The following POC1A variants were observed in gnomAD, a reference collection of about 807,000 sequenced individuals.
POC1A encodes the protein POC1 centriolar protein homolog A.
In POC1A, 34 loss-of-function variants were observed where a neutral mutation model predicts 47.8. The observed-to-expected ratio is 0.71, with a 90% CI of 0.54 to 0.95. The LOEUF (loss-of-function observed/expected upper bound fraction) is 0.95, where lower values mean the gene tolerates loss of function less well. Ranked by LOEUF, POC1A falls within the 40% of genes least tolerant of loss-of-function variation. The probability of loss-of-function intolerance (pLI) is 0.00; values close to 1 mark genes in which losing one functional copy is unlikely to be tolerated. For missense variants in POC1A, 466 were observed against 528.3 expected (o/e 0.88, Z 1.16); for synonymous variants, 177 against 207.6 (o/e 0.85, Z 1.27).
At chr3:52,130,405 T>A (rs1427079306) in intron 7 of POC1A, among the ~76,000 whole-genome samples, 1 of 152,220 alleles carries the variant, frequency 6.6e-6, no homozygotes, top group Non-Finnish European at 1.5e-5. Context: ...TACCAGGGTC[T>A]GCTGTGAACT....
chr3:52,129,402 T>G (rs1258319813), intron 7 of POC1A, among the ~76,000 whole-genome samples: 1 of 152,248 alleles, frequency 6.6e-6, no homozygotes, highest in Non-Finnish European at 1.5e-5. Flanking sequence ...TGATGGCTTA[T>G]TCCTTTTATT....
intron 7 of POC1A, among the ~76,000 whole-genome samples, chr3:52,131,988 A>G (rs1704230952): frequency 1.3e-5 from 2 of 152,194 alleles, no homozygotes; most frequent in Admixed American, 1.3e-4. Context: ...GACCATGTCC[A>G]CAACAGAAAC....
At chr3:52,076,500 G>A (rs1702120451) in intron 10 of POC1A, among the ~76,000 whole-genome samples, 1 of 152,180 alleles carries the variant, frequency 6.6e-6, no homozygotes, top group African/African-American at 2.4e-5. Flanking sequence ...GCTGGCAGGG[G>A]ACAAAGGCAG....
intron 7 of POC1A, among the ~76,000 whole-genome samples, chr3:52,137,107 C>G (rs1704500693): frequency 1.3e-5 from 2 of 152,150 alleles, no homozygotes; most frequent in African/African-American, 4.8e-5. Context: ...TCTGGATGTG[C>G]TGGCCCAGGG....
At chr3:52,093,656 G>A (rs1318476873) in intron 10 of POC1A, among the ~76,000 whole-genome samples, 1 of 152,244 alleles carries the variant, frequency 6.6e-6, no homozygotes, top group Non-Finnish European at 1.5e-5. Flanking sequence ...AGGTCACTGA[G>A]CTAGGCAATG....
chr3:52,103,741 C>A (rs1199535477), intron 9 of POC1A, among the ~76,000 whole-genome samples: 1 of 151,970 alleles, frequency 6.6e-6, no homozygotes, highest in African/African-American at 2.4e-5. Context: ...AAAAAGGATG[C>A]TCTACATCAT....
At chr3:52,100,353 A>C (rs1037871610) in intron 9 of POC1A, among the ~76,000 whole-genome samples, 3 of 152,218 alleles carry the variant, frequency 2.0e-5, no homozygotes, top group African/African-American at 7.2e-5. Context: ...TCTTCCATCA[A>C]GATACAAGTA....
At chr3:52,131,107 C>T (rs1280181077) in intron 7 of POC1A, among the ~76,000 whole-genome samples, 1 of 152,198 alleles carries the variant, frequency 6.6e-6, no homozygotes, top group Non-Finnish European at 1.5e-5. Context: ...GCCACAAATA[C>T]CAGATTTAAC....
chr3:52,114,206 C>A (rs1559828658), intron 9 of POC1A, among the ~76,000 whole-genome samples: 1 of 152,222 alleles, frequency 6.6e-6, no homozygotes, highest in East Asian at 1.9e-4. Context: ...GTGGGGCTGC[C>A]TGAAAATCCT....
At position 52,147,071 on chromosome 3, in the gene POC1A, G is replaced by C. The variant is rs753301992; in HGVS notation, c.480C>G (p.Ile160Met). 1.1e-5 allele frequency: 18 copies of C among 1,613,956 alleles called. No homozygotes were observed. The highest frequency in any genetic ancestry group is 1.4e-5 in the Non-Finnish European group (17 of 1,180,002). Residue 160 changes from isoleucine (I) to methionine (M), a missense_variant, in exon 5 of 11, where the codon ATC (isoleucine) becomes ATG (methionine). Transcript: ENST00000296484. ...CAGTCTTGTCATCACTGGCAGACAC[G>C]ATGAGCCGCCCGTCGGGGGAGAACC... Reference protein sequence around the residue: ...CAKFSPDGRLIVSASDDKTVK... With the variant: ...CAKFSPDGRLMVSASDDKTVK...
chr3:52,093,650 C>G (rs888764578), intron 10 of POC1A, among the ~76,000 whole-genome samples: 3 of 152,254 alleles, frequency 2.0e-5, no homozygotes, highest in Non-Finnish European at 2.9e-5. Context: ...TGCCCAAGGT[C>G]ACTGAGCTAG....
chr3:52,140,456 G>A (rs1054122787), intron 6 of POC1A, among the ~76,000 whole-genome samples: 2 of 152,178 alleles, frequency 1.3e-5, no homozygotes, highest in Admixed American at 6.5e-5. Context: ...GGAGGGTGCA[G>A]AAGGGAGGGC....
chr3:52,149,857 G>T lies in POC1A; in HGVS notation c.234C>A (p.Ser78=), dbSNP rs145976901. ...TGCGGACAGTCTTGTCTCGGGAGCC[G>T]GAAGCAAGCAGGTGTCCCGAAGGAG... ...NFSPSGHLLA[S]GSRDKTVRIW... The change falls in exon 3 of 11, where the codon TCC becomes TCA. Residue 78 remains serine, a synonymous_variant. Transcript: ENST00000296484. 86 of 1,613,830 alleles carry T rather than the reference G, an allele frequency of 5.3e-5. No individual in the cohort carries two copies. Among genetic ancestry groups the T allele is most frequent in the Middle Eastern group, 1.6e-4 (1 of 6,082 alleles).
At chr3:52,096,544 C>A in intron 10 of POC1A, 25 bp downstream of exon 10, 2 of 1,517,882 alleles carry the variant, frequency 1.3e-6, no homozygotes, top group African/African-American at 1.4e-5. Flanking sequence ...GACGGGATGA[C>A]GGGTGAACCC....
intron 10 of POC1A, among the ~76,000 whole-genome samples, chr3:52,091,595 G>T (rs1187078380): frequency 6.6e-6 from 1 of 152,102 alleles, no homozygotes; most frequent in East Asian, 1.9e-4. Context: ...GTTGGGGAAT[G>T]ACTTCTTTCT....
At position 52,151,152 on chromosome 3, in the gene POC1A, CCCCAGGGCCAGCACTCTTCCTACA is replaced by C. The variant is rs754808653; in HGVS notation, c.19-76_19-53del. On this transcript the variant is annotated intron_variant, in intron 1 of 10. Transcript: ENST00000296484. Reference sequence around the variant, plus strand: ...TGAAGCCTGGGTGAGGAAGGGGCTTCCCCAGGGCCAGCACTCTTCCTACAACAGCCGGGGGAGTAGGGTTAAAAA... The same window carrying C: ...TGAAGCCTGGGTGAGGAAGGGGCTTCACAGCCGGGGGAGTAGGGTTAAAAA... 30 of 1,610,332 alleles carry C rather than the reference CCCCAGGGCCAGCACTCTTCCTACA, an allele frequency of 1.9e-5. No individual in the cohort carries two copies. The East Asian group carries it at 3.8e-4, about 20-fold the overall frequency.
intron 10 of POC1A, among the ~76,000 whole-genome samples, chr3:52,078,414 T>C (rs1056361732): frequency 6.6e-6 from 1 of 152,072 alleles, no homozygotes; most frequent in African/African-American, 2.4e-5. Context: ...TTTATATTTT[T>C]CTTAAAAATC....
At chr3:52,135,907 G>C (rs1704439386) in intron 7 of POC1A, among the ~76,000 whole-genome samples, 1 of 152,138 alleles carries the variant, frequency 6.6e-6, no homozygotes, top group Non-Finnish European at 1.5e-5. Flanking sequence ...CAGGCCAGCT[G>C]TAGAACCCGG....
At chr3:52,117,660 G>A (rs1391280215) in intron 9 of POC1A, among the ~76,000 whole-genome samples, 2 of 152,076 alleles carry the variant, frequency 1.3e-5, no homozygotes, top group African/African-American at 2.4e-5. Context: ...TGTGTGAACC[G>A]GACAGCAGCC....
Sources: allele counts gnomAD v4.1 joint callset (sites outside exome capture counted in the v4.1 genomes callset), GRCh38; gene constraint gnomAD v4.1.1; transcripts MANE v1.5; gene names NCBI Gene and HGNC (gene_info 2026-07-23, HGNC 2026-07-21).